Variants in PVT1 observed in about 807,000 individuals in gnomAD.
PVT1 encodes the protein Pvt1 oncogene, also known as CXCR4/PVT1 fusion.
intron 3 of PVT1, among the ~76,000 whole-genome samples, chr8:127,962,614 T>C (rs1422669292): frequency 6.6e-6 from 1 of 151,862 alleles, no homozygotes. Context: ...TGCATTTTAT[T>C]TTTTTTTGTT....
At chr8:127,854,196 T>C (rs751438) in intron 2 of PVT1, among the ~76,000 whole-genome samples, 7,772 of 152,272 alleles carry the variant, frequency 0.051, 242 homozygotes, top group African/African-American at 0.063. Context: ...AGGTAGATCA[T>C]GTAGCACTGC....
chr8:128,001,172 G>C (rs193217062), intron 4 of PVT1, among the ~76,000 whole-genome samples: 2 of 152,100 alleles, frequency 1.3e-5, no homozygotes, highest in African/African-American at 4.8e-5. Flanking sequence ...GAAGCCCTGC[G>C]TGCTGTCTGC....
chr8:128,051,462 AT>A (rs1813694431), intron 4 of PVT1, among the ~76,000 whole-genome samples: 1 of 152,130 alleles, frequency 6.6e-6, no homozygotes, highest in Non-Finnish European at 1.5e-5. Flanking sequence ...GACTTCATGG[AT>A]TGAGATGTTT....
At chr8:127,876,674 G>A (rs1815409050) in intron 2 of PVT1, among the ~76,000 whole-genome samples, 1 of 152,096 alleles carries the variant, frequency 6.6e-6, no homozygotes, top group Non-Finnish European at 1.5e-5. Context: ...TGTCCTCTAA[G>A]CAGGCGGAGG....
intron 4 of PVT1, among the ~76,000 whole-genome samples, chr8:128,041,051 TTG>T (rs1335040382): frequency 2.0e-5 from 3 of 151,134 alleles, no homozygotes; most frequent in Non-Finnish European, 2.9e-5. Context: ...GCCTGTGTGT[TTG>T]TGTGTTTTGT....
intron 5 of PVT1, among the ~76,000 whole-genome samples, chr8:128,086,174 C>G (rs1279829092): frequency 6.6e-6 from 1 of 152,208 alleles, no homozygotes; most frequent in Non-Finnish European, 1.5e-5. Flanking sequence ...CCCCATTTCT[C>G]TTTGGTTCTT....
chr8:128,083,360 T>C (rs1424722015), intron 5 of PVT1, among the ~76,000 whole-genome samples: 3 of 152,258 alleles, frequency 2.0e-5, no homozygotes, highest in Non-Finnish European at 2.9e-5. Context: ...GTTTGCATCT[T>C]GATCCCATCA....
At chr8:128,063,569 C>T (rs1009727095) in intron 4 of PVT1, among the ~76,000 whole-genome samples, 2 of 151,730 alleles carry the variant, frequency 1.3e-5, no homozygotes, top group Non-Finnish European at 2.9e-5. Flanking sequence ...CACACACACA[C>T]ATATGTACAC....
intron 5 of PVT1, among the ~76,000 whole-genome samples, chr8:128,081,669 T>C (rs1814181294): frequency 6.6e-6 from 1 of 152,190 alleles, no homozygotes; most frequent in African/African-American, 2.4e-5. Flanking sequence ...CTATCACTGC[T>C]CTTCTATGGC....
chr8:128,092,496 C>G (rs1360127837), intron 5 of PVT1, among the ~76,000 whole-genome samples: 1 of 152,210 alleles, frequency 6.6e-6, no homozygotes, highest in Non-Finnish European at 1.5e-5. Flanking sequence ...GACAGCTGTT[C>G]ACTCCCTTCT....
At chr8:128,086,529 A>ACTGT (rs1247190490) in intron 5 of PVT1, among the ~76,000 whole-genome samples, 1 of 152,220 alleles carries the variant, frequency 6.6e-6, no homozygotes, top group African/African-American at 2.4e-5. Context: ...TACCCACAGC[A>ACTGT]CTGTACTAAC....
chr8:127,834,933 AAGTC>A (rs1814893356), intron 2 of PVT1, among the ~76,000 whole-genome samples: 1 of 152,234 alleles, frequency 6.6e-6, no homozygotes, highest in Non-Finnish European at 1.5e-5. Context: ...GATCATTAAA[AAGTC>A]AGGGAACAAC....
In PVT1 at chr8:127,850,637, G is replaced by A. The variant is rs573199354; in HGVS notation, n.373-39952G>A. 4.6e-5 allele frequency among the ~76,000 whole-genome samples: 7 copies of A among 152,316 alleles called. No homozygotes were observed. The South Asian group carries it at 6.2e-4, about 14-fold the overall frequency. ...CACATGGGATTAAACAAGTAAGATT[G>A]ATGTGAATTTTATTCTTTCATTTTT... On this transcript the variant is annotated intron_variant and non_coding_transcript_variant, in intron 2 of 10. Transcript: ENST00000651587.
At chr8:128,036,402 C>G (rs894105695) in intron 4 of PVT1, among the ~76,000 whole-genome samples, 1 of 152,200 alleles carries the variant, frequency 6.6e-6, no homozygotes, top group African/African-American at 2.4e-5. Flanking sequence ...CAGGAAGGCA[C>G]TGGATGCTGG....
chr8:127,847,209 GC>G (rs200709564), intron 2 of PVT1, among the ~76,000 whole-genome samples: 2,815 of 124,746 alleles, frequency 0.023, 82 homozygotes, highest in African/African-American at 0.083. Context: ...CACCATGTTG[GC>G]CAGGATAGTC....
At chr8:127,912,876 T>C (rs1815923744) in intron 3 of PVT1, among the ~76,000 whole-genome samples, 1 of 152,206 alleles carries the variant, frequency 6.6e-6, no homozygotes, top group African/African-American at 2.4e-5. Flanking sequence ...TTTTGGATTT[T>C]TAGTAGAAAT....
chr8:128,026,222 C>T (rs1384979730), intron 4 of PVT1, among the ~76,000 whole-genome samples: 3 of 152,174 alleles, frequency 2.0e-5, no homozygotes, highest in East Asian at 1.9e-4. Flanking sequence ...GGATTACAGG[C>T]GTGAGCCACC....
intron 5 of PVT1, among the ~76,000 whole-genome samples, chr8:128,074,242 C>T (rs970812757): frequency 3.3e-5 from 5 of 152,174 alleles, no homozygotes; most frequent in African/African-American, 1.2e-4. Context: ...CACAGTGGCT[C>T]ACGCCTGTAA....
chr8:127,898,984 T>C lies in PVT1; in HGVS notation n.782+7986T>C, dbSNP rs985075265. On this transcript the variant is annotated intron_variant and non_coding_transcript_variant, in intron 3 of 10. Coordinates refer to ENST00000651587, the Ensembl canonical transcript of PVT1. The surrounding 1 kb of genome is among the most constrained non-coding windows in gnomAD (Gnocchi z 4.4). ...GCTCCAACCGAAGAACAGCTGTTGG[T>C]GGTCAGGTCTCTGAGTCACTCAGTA... Among the ~76,000 whole-genome samples, 9 of 151,926 alleles carry C rather than the reference T, an allele frequency of 5.9e-5. No homozygotes were observed. Among genetic ancestry groups the C allele is most frequent in the African/African-American group, 2.2e-4 (9 of 41,342 alleles).
Sources: gnomAD v4.1 joint callset for allele counts (sites outside exome capture counted in the v4.1 genomes callset) on GRCh38, gnomAD v4.1.1 for gene constraint, Gnocchi (gnomAD v3.1) non-coding constraint, MANE v1.5 for transcripts, NCBI Gene and HGNC (gene_info 2026-07-23, HGNC 2026-07-21) for gene names.